EIF3J: variants seen among roughly 807,000 people sequenced by gnomAD.
EIF3J encodes eukaryotic translation initiation factor 3 subunit J.
EIF3J carries 15 observed loss-of-function variants against 39.0 expected under a neutral mutation model. The ratio of observed to expected loss-of-function variants is 0.38; its 90% CI spans 0.26 to 0.59. The LOEUF (loss-of-function observed/expected upper bound fraction) is 0.59, where lower values mean the gene tolerates loss of function less well. EIF3J is among the 20% of genes least tolerant of loss of function. EIF3J has a pLI of 0.60. For synonymous variants in EIF3J, 98 were observed against 112.9 expected, an observed-to-expected ratio of 0.87 and a Z score of 0.84; for missense variants, 226 against 308.6, an observed-to-expected ratio of 0.73 and a Z score of 2.00.
intron 2 of EIF3J, among the ~76,000 whole-genome samples, chr15:44,546,135 C>T (rs537694070): frequency 6.6e-6 from 1 of 152,122 alleles, no homozygotes; most frequent in Non-Finnish European, 1.5e-5. Flanking sequence ...TTATTTTTAG[C>T]TCTTTGGTTC....
At chr15:44,554,429 A>G in intron 4 of EIF3J, 124 bp from the exon 5 acceptor site, 1 of 426,798 alleles carries the variant, frequency 2.3e-6, no homozygotes, top group Non-Finnish European at 4.2e-6. Flanking sequence ...TGCCTGAAAC[A>G]GTAATTACCA....
At chr15:44,555,708 A>C (rs1301646177) in intron 5 of EIF3J, among the ~76,000 whole-genome samples, 1 of 152,238 alleles carries the variant, frequency 6.6e-6, no homozygotes, top group Non-Finnish European at 1.5e-5. Flanking sequence ...TATAGACTAA[A>C]AGGTAAAAAC....
chr15:44,552,279 A>C (rs2082105923), intron 4 of EIF3J, among the ~76,000 whole-genome samples: 1 of 151,528 alleles, frequency 6.6e-6, no homozygotes, highest in Non-Finnish European at 1.5e-5. Context: ...ACAGAGTCTC[A>C]CTCCGTTACC....
intron 2 of EIF3J, among the ~76,000 whole-genome samples, chr15:44,539,171 C>T (rs770681572): frequency 7.9e-5 from 12 of 151,850 alleles, no homozygotes; most frequent in Non-Finnish European, 1.3e-4. Flanking sequence ...GGATTACAGG[C>T]ACGCACCACC....
At chr15:44,549,292 G>A (rs914203517) in intron 2 of EIF3J, among the ~76,000 whole-genome samples, 2 of 152,038 alleles carry the variant, frequency 1.3e-5, no homozygotes, top group African/African-American at 4.8e-5. Context: ...TTGGGAGGCT[G>A]AGGCAGGAGA....
chr15:44,537,325 C>G lies in EIF3J; in HGVS notation c.45C>G (p.Asp15Glu), dbSNP rs2081966904. ...AACACGGCTCGCTTTCTTCCGTAGA[C>G]GCCGACGCTTTCTCCGTGGAAGACC... The part of the protein sequence containing the change: ...AAAAGDSDSW[D>E]ADAFSVEDPV... Residue 15 changes from aspartate to glutamate, a missense_variant and splice_region_variant, in exon 2 of 8, where the codon GAC becomes GAG. This residue lies in a region of EIF3J where 143 missense variants were observed against 156.0 expected (regional missense o/e 0.92). Coordinates refer to ENST00000261868, the MANE Select transcript of EIF3J (RefSeq NM_003758.4). 7 of 1,562,204 alleles carry G rather than the reference C, an allele frequency of 4.5e-6. No individual in the cohort carries two copies. The Admixed American group carries it at 1.3e-4, about 30-fold the overall frequency.
intron 2 of EIF3J, among the ~76,000 whole-genome samples, chr15:44,538,484 A>C (rs1291749277): frequency 6.6e-6 from 1 of 152,146 alleles, no homozygotes; most frequent in African/African-American, 2.4e-5. Flanking sequence ...GAACCCTATA[A>C]ATCCTGCCTG....
chr15:44,561,261 C>A lies in EIF3J; in HGVS notation c.*112C>A. 1 of 1,292,700 alleles carries A rather than the reference C, an allele frequency of 7.7e-7. No individual in the cohort carries two copies. Among genetic ancestry groups the A allele is most frequent in the Non-Finnish European group, 1.0e-6 (1 of 952,652 alleles). The allele number at this position is 1,292,700 out of a possible 1,614,324, so 80.1% of individuals were successfully genotyped here. ...AATGCTACAATCAGAAGTGCAGTAT[C>A]TTTTGTGCTGGTTATTTAACCCCTT... is the stretch of plus-strand genomic sequence containing the variant. On this transcript the variant is annotated 3_prime_UTR_variant, in exon 8 of 8. Transcript: ENST00000261868.
At chr15:44,545,494 C>T (rs958975461) in intron 2 of EIF3J, among the ~76,000 whole-genome samples, 4 of 152,168 alleles carry the variant, frequency 2.6e-5, no homozygotes, top group Non-Finnish European at 5.9e-5. Context: ...GTGTTTAAAA[C>T]ATGCTTTTTA....
chr15:44,561,296 G>A lies in EIF3J; in HGVS notation c.*147G>A. 2.2e-6 allele frequency: 2 copies of A among 908,716 alleles called. No individual in the cohort carries two copies. Among genetic ancestry groups the A allele is most frequent in the Non-Finnish European group, 3.1e-6 (2 of 638,824 alleles). 56.3% of individuals were successfully genotyped at this position (908,716 alleles called of 1,614,324 possible). A position where few individuals can be genotyped will look rare whatever the true frequency, so the allele number is the denominator to read the frequency against. On this transcript the variant is annotated 3_prime_UTR_variant, in exon 8 of 8. Transcript: ENST00000261868. ...GGTTATTTAACCCCTTGACACTTAGGTGCTAATGTGCAAATGAGGGAACTT... is the reference window on the plus strand; with the variant it reads ...GGTTATTTAACCCCTTGACACTTAGATGCTAATGTGCAAATGAGGGAACTT...
intron 2 of EIF3J, among the ~76,000 whole-genome samples, chr15:44,547,165 C>T (rs944983085): frequency 6.7e-6 from 1 of 148,582 alleles, no homozygotes; most frequent in Non-Finnish European, 1.5e-5. Flanking sequence ...TTTTGTGAGA[C>T]GGAGTTTCAT....
At chr15:44,549,258 T>C (rs1334094895) in intron 2 of EIF3J, among the ~76,000 whole-genome samples, 1 of 151,780 alleles carries the variant, frequency 6.6e-6, no homozygotes, top group Non-Finnish European at 1.5e-5. Flanking sequence ...CCAGGCATGG[T>C]GGTGCATGTC....
intron 2 of EIF3J, among the ~76,000 whole-genome samples, chr15:44,546,362 A>T (rs544830374): frequency 2.0e-5 from 3 of 152,354 alleles, no homozygotes; most frequent in African/African-American, 7.2e-5. Context: ...TTATGCTTGC[A>T]GACTGTATGA....
chr15:44,554,658 G>C lies in EIF3J; in HGVS notation c.400G>C (p.Glu134Gln). ...QEESDLELAKETFGVNNAVYG... is the reference protein window; with the variant it reads ...QEESDLELAKQTFGVNNAVYG... The stretch of plus-strand genomic sequence containing the variant: ...AGAGTCAGACCTCGAATTAGCAAAG[G>C]AAACTTTTGGTAAGACGGGATTATG... Residue 134 changes from glutamate (E) to glutamine (Q), a missense_variant, in exon 5 of 8, where the codon GAA becomes CAA. Glu to Gln is a conservative substitution (Grantham distance 29). Transcript: ENST00000261868. 2 of 1,608,028 alleles carry C rather than the reference G, an allele frequency of 1.2e-6. No homozygotes were observed. The highest frequency in any genetic ancestry group is 1.7e-6 in the Non-Finnish European group (2 of 1,176,710).
chr15:44,556,804 G>A (rs1413472615), intron 5 of EIF3J, among the ~76,000 whole-genome samples: 9 of 151,674 alleles, frequency 5.9e-5, no homozygotes, highest in Non-Finnish European at 1.2e-4. Context: ...TAGCCACTGC[G>A]TCTGGCCACA....
intron 2 of EIF3J, among the ~76,000 whole-genome samples, chr15:44,539,690 A>T (rs11634253): frequency 3.0e-4 from 45 of 149,278 alleles, no homozygotes; most frequent in Non-Finnish European, 5.5e-4. Context: ...GTGAGCCACC[A>T]CACCCGGCCC....
intron 2 of EIF3J, among the ~76,000 whole-genome samples, chr15:44,548,582 G>A (rs2082073012): frequency 6.6e-6 from 1 of 152,188 alleles, no homozygotes; most frequent in Non-Finnish European, 1.5e-5. Context: ...GAATGCAATA[G>A]ACTGGGTATT....
chr15:44,544,254 C>T (rs1055907485), intron 2 of EIF3J, among the ~76,000 whole-genome samples: 25 of 151,502 alleles, frequency 1.7e-4, no homozygotes, highest in African/African-American at 6.0e-4. Context: ...ACCACCACGC[C>T]CTGCTAATTT....
At chr15:44,539,366 A>G (rs1290094881) in intron 2 of EIF3J, among the ~76,000 whole-genome samples, 1 of 151,146 alleles carries the variant, frequency 6.6e-6, no homozygotes, top group Non-Finnish European at 1.5e-5. Context: ...CAAGTTTTGG[A>G]TATTTACAAG....
Sources: allele counts gnomAD v4.1 joint callset (sites outside exome capture counted in the v4.1 genomes callset), GRCh38; gene constraint gnomAD v4.1.1; regional missense constraint gnomAD v4.1.1; transcripts MANE v1.5; gene names NCBI Gene and HGNC (gene_info 2026-07-23, HGNC 2026-07-21).